SLC36A1: variants seen among roughly 807,000 people sequenced by gnomAD.
The protein encoded by SLC36A1 is proton-coupled amino acid transporter 1.
In SLC36A1, 30 loss-of-function variants were observed where a neutral mutation model predicts 47.5. The observed-to-expected ratio is 0.63, with a 90% CI of 0.47 to 0.86. The LOEUF is 0.86. Among genes scored for constraint, SLC36A1 ranks in the 40% least tolerant of loss-of-function variants. The pLI, the probability that SLC36A1 is intolerant of heterozygous loss-of-function variation, is 0.00. For synonymous variants in SLC36A1, 255 were observed against 249.7 expected, an observed-to-expected ratio of 1.02 and a Z score of -0.20; for missense variants, 517 against 606.0, an observed-to-expected ratio of 0.85 and a Z score of 1.54.
chr5:151,360,745 A>G, the SLC36A1 span, among the ~76,000 whole-genome samples: 1 of 152,214 alleles, frequency 6.6e-6, no homozygotes, highest in Non-Finnish European at 1.5e-5. Flanking sequence ...GTCTTCAATC[A>G]CCAGAACCCT....
At chr5:151,471,522 G>A (rs1162188294) in intron 7 of SLC36A1, among the ~76,000 whole-genome samples, 1 of 152,140 alleles carries the variant, frequency 6.6e-6, no homozygotes, top group Non-Finnish European at 1.5e-5. Flanking sequence ...CCAACAGATA[G>A]CACCTGTTTC....
chr5:151,549,386 G>T, the SLC36A1 span: 172 of 1,614,158 alleles, frequency 1.1e-4, no homozygotes, highest in Non-Finnish European at 1.7e-6. Flanking sequence ...GGGCTATGGT[G>T]TCAGGAACAC....
chr5:151,491,390 A>G lies in SLC36A1; in HGVS notation c.*3136A>G, dbSNP rs1474150168. 1 of 152,674 alleles carries G rather than the reference A, an allele frequency of 6.5e-6. No individual in the cohort carries two copies. The highest frequency in any genetic ancestry group is 2.4e-5 in the African/African-American group (1 of 41,454). 9.5% of individuals were successfully genotyped at this position (152,674 alleles called of 1,614,324 possible). A position where few individuals can be genotyped will look rare whatever the true frequency, so the allele number is the denominator to read the frequency against. On this transcript the variant is annotated 3_prime_UTR_variant, in exon 11 of 11. Coordinates refer to ENST00000243389, the MANE Select transcript of SLC36A1 (RefSeq NM_078483.4). ...CCAATTCCATCTCTCCTCTGCAGCC[A>G]GATTCACTGGCTGATGCTCACTGCT...
At chr5:151,417,602 A>G in the SLC36A1 span, among the ~76,000 whole-genome samples, 1 of 152,248 alleles carries the variant, frequency 6.6e-6, no homozygotes, top group South Asian at 2.1e-4. Context: ...TCTAACAGCA[A>G]AGCACTCAAG....
the SLC36A1 span, chr5:151,529,415 C>T: frequency 6.2e-7 from 1 of 1,608,734 alleles, no homozygotes; most frequent in Admixed American, 1.7e-5. Context: ...GAGGTGACAG[C>T]AGCAATGAGG....
chr5:151,508,188 G>A, the SLC36A1 span, among the ~76,000 whole-genome samples: 1 of 152,136 alleles, frequency 6.6e-6, no homozygotes, highest in Admixed American at 6.5e-5. Context: ...CACTTTTGAG[G>A]GCTATTGGGA....
chr5:151,433,828 A>G (rs1378858875), upstream of SLC36A1, among the ~76,000 whole-genome samples: 7 of 152,152 alleles, frequency 4.6e-5, no homozygotes, highest in African/African-American at 1.7e-4. Context: ...TCCTCAGAGT[A>G]AGAGTGAACT....
At chr5:151,350,993 C>T in the SLC36A1 span, among the ~76,000 whole-genome samples, 1 of 152,118 alleles carries the variant, frequency 6.6e-6, no homozygotes, top group South Asian at 2.1e-4. Context: ...CAATACTGCT[C>T]CCTTTCTGAT....
chr5:151,506,685 A>G, the SLC36A1 span, among the ~76,000 whole-genome samples: 17 of 152,228 alleles, frequency 1.1e-4, no homozygotes, highest in Non-Finnish European at 2.1e-4. Context: ...ATGCCAAAAC[A>G]TGAAGTGCTT....
At chr5:151,512,594 C>T in the SLC36A1 span, 1 of 1,604,906 alleles carries the variant, frequency 6.2e-7, no homozygotes, top group African/African-American at 1.3e-5. The surrounding 1 kb of genome is among the most constrained non-coding windows in gnomAD (Gnocchi z 4.1). Context: ...AGCTGGGGCA[C>T]TCCACTGGCC....
At chr5:151,410,043 G>A in the SLC36A1 span, among the ~76,000 whole-genome samples, 8 of 152,142 alleles carry the variant, frequency 5.3e-5, no homozygotes, top group East Asian at 1.9e-4. Context: ...AATAGGTTTC[G>A]GAGATAGGTA....
upstream of SLC36A1, among the ~76,000 whole-genome samples, chr5:151,442,970 G>T (rs1426989975): frequency 1.3e-5 from 2 of 152,098 alleles, no homozygotes; most frequent in Non-Finnish European, 2.9e-5. Context: ...GTGGCAAATG[G>T]CAGGACTCCT....
At chr5:151,405,108 G>C in the SLC36A1 span, among the ~76,000 whole-genome samples, 1 of 151,972 alleles carries the variant, frequency 6.6e-6, no homozygotes, top group Non-Finnish European at 1.5e-5. Context: ...TATTTTTGTG[G>C]GACTGAGTTG....
intron 8 of SLC36A1, among the ~76,000 whole-genome samples, chr5:151,475,388 G>A (rs1284568301): frequency 6.6e-6 from 1 of 152,206 alleles, no homozygotes; most frequent in Non-Finnish European, 1.5e-5. Context: ...AACATCATTT[G>A]TTTTCAAGAT....
the SLC36A1 span, among the ~76,000 whole-genome samples, chr5:151,415,251 T>A: frequency 6.6e-6 from 1 of 152,196 alleles, no homozygotes; most frequent in Non-Finnish European, 1.5e-5. Flanking sequence ...ATTGATTATA[T>A]TATGTCCTTC....
chr5:151,500,445 G>A, the SLC36A1 span, among the ~76,000 whole-genome samples: 2 of 152,158 alleles, frequency 1.3e-5, no homozygotes, highest in Non-Finnish European at 2.9e-5. Flanking sequence ...TCGGCTCACT[G>A]CAAACTCCGT....
At chr5:151,522,725 G>A in the SLC36A1 span, among the ~76,000 whole-genome samples, 1 of 152,208 alleles carries the variant, frequency 6.6e-6, no homozygotes, top group African/African-American at 2.4e-5. Flanking sequence ...TGAGGGATGA[G>A]AAGAAGAGGC....
the SLC36A1 span, among the ~76,000 whole-genome samples, chr5:151,348,300 A>C: frequency 6.6e-6 from 1 of 152,222 alleles, no homozygotes; most frequent in African/African-American, 2.4e-5. Flanking sequence ...AATCCAGGAT[A>C]GAACTCTGCA....
chr5:151,386,945 T>G, the SLC36A1 span: 2 of 152,272 alleles, frequency 1.3e-5, no homozygotes, highest in African/African-American at 4.8e-5. Flanking sequence ...CCACAAACAT[T>G]TACTAAGCCT....
Sources: allele counts gnomAD v4.1 joint callset (sites outside exome capture counted in the v4.1 genomes callset), GRCh38; gene constraint gnomAD v4.1.1; non-coding constraint Gnocchi (gnomAD v3.1); transcripts MANE v1.5; gene names NCBI Gene and HGNC (gene_info 2026-07-23, HGNC 2026-07-21).